Variants in UMODL1 observed in about 807,000 individuals in gnomAD.
UMODL1 encodes the protein uromodulin like 1.
A neutral mutation model predicts 136.3 loss-of-function variants in UMODL1; 128 were observed. The observed-to-expected ratio is 0.94, with a 90% CI of 0.81 to 1.09. UMODL1 has a LOEUF of 1.09. Among genes scored for constraint, UMODL1 ranks in the 50% least tolerant of loss-of-function variants. The probability of loss-of-function intolerance (pLI) is 0.00; values close to 1 mark genes in which losing one functional copy is unlikely to be tolerated. For synonymous variants in UMODL1, 721 were observed against 720.0 expected, an observed-to-expected ratio of 1.00 and a Z score of -0.02; for missense variants, 1,766 against 1,725.6, an observed-to-expected ratio of 1.02 and a Z score of -0.41.
At chr21:42,130,222 G>T (rs6586297) in intron 21 of UMODL1, among the ~76,000 whole-genome samples, 11 of 19,580 alleles carry the variant, frequency 5.6e-4, no homozygotes, top group African/African-American at 1.3e-3. Context: ...CCATGTCAAC[G>T]TGTGTGTGTG....
At chr21:42,105,621 G>A (rs113519942) in intron 9 of UMODL1, among the ~76,000 whole-genome samples, 14 of 152,324 alleles carry the variant, frequency 9.2e-5, no homozygotes, top group African/African-American at 2.9e-4. Context: ...GTTCTTATAC[G>A]AGACAAGAGG....
At chr21:42,070,446 C>T (rs1308414869), upstream of UMODL1, among the ~76,000 whole-genome samples, 1 of 152,204 alleles carries the variant, frequency 6.6e-6, no homozygotes, top group African/African-American at 2.4e-5. Flanking sequence ...AAACATTAAT[C>T]ACCTGTATTC....
chr21:42,081,915 CAG>C (rs2066366498), intron 2 of UMODL1, among the ~76,000 whole-genome samples: 2 of 152,244 alleles, frequency 1.3e-5, no homozygotes, highest in South Asian at 4.1e-4. Flanking sequence ...GGAGACAAAG[CAG>C]AGACCTTCGG....
At chr21:42,093,507 C>T (rs1271316420) in intron 6 of UMODL1, 1 of 167,170 alleles carries the variant, frequency 6.0e-6, no homozygotes, top group Non-Finnish European at 1.3e-5. Context: ...GCAGGAGACC[C>T]CGTGTTCAGC....
intron 6 of UMODL1, among the ~76,000 whole-genome samples, chr21:42,094,668 G>A (rs142231957): frequency 8.5e-4 from 130 of 152,342 alleles, no homozygotes; most frequent in African/African-American, 2.9e-3. Flanking sequence ...CTGGAAGAGA[G>A]GAGTCGGGGG....
intron 6 of UMODL1, among the ~76,000 whole-genome samples, chr21:42,090,781 C>A (rs930804721): frequency 6.6e-6 from 1 of 152,202 alleles, no homozygotes; most frequent in African/African-American, 2.4e-5. Flanking sequence ...ATTTGCTGAA[C>A]CTGTTTTTCT....
At chr21:42,071,455 A>C in intron 1 of UMODL1, 63 bp downstream of exon 1, 35 of 1,450,872 alleles carry the variant, frequency 2.4e-5, no homozygotes, top group Non-Finnish European at 3.0e-5. Context: ...CATGGGTCTC[A>C]TGAGGACAGC....
chr21:42,123,271 G>A lies in UMODL1; in HGVS notation c.3147+121G>A. Reference sequence around the variant, plus strand: ...CACCCCGAGGGGAACCCAGCAAGGGGGGTTCAGGACAGGGTTGAGTTCTCA... The same window carrying A: ...CACCCCGAGGGGAACCCAGCAAGGGAGGTTCAGGACAGGGTTGAGTTCTCA... On this transcript the variant is annotated intron_variant, in intron 17 of 22. Transcript: ENST00000408910. This position sits in a 1 kb window ranked among gnomAD's most constrained non-coding sequence, Gnocchi z 4.4. 2 of 1,201,148 alleles carry A rather than the reference G, an allele frequency of 1.7e-6. No homozygotes were observed. Among genetic ancestry groups the A allele is most frequent in the Non-Finnish European group, 1.1e-6 (1 of 877,672 alleles). 74.4% of individuals were successfully genotyped at this position (1,201,148 alleles called of 1,614,324 possible).
In UMODL1 at chr21:42,136,257, G is replaced by A. The variant is rs369123830; in HGVS notation, c.3776-1182G>A. Among the ~76,000 whole-genome samples the A allele has an allele frequency of 1.3e-3, 200 of 152,256 alleles. 1 individual carries two copies. Among genetic ancestry groups the A allele is most frequent in the Middle Eastern group, 6.8e-3 (2 of 294 alleles). On this transcript the variant is annotated intron_variant, in intron 21 of 22. Coordinates refer to ENST00000408910, the MANE Select transcript of UMODL1 (RefSeq NM_001004416.3). ...TCAAGCTAACTGTGTTAGAGTAAAC[G>A]ACTCAGTGGTGTTTAGTACATTGAG...
chr21:42,131,686 G>T (rs1477527505), intron 21 of UMODL1, among the ~76,000 whole-genome samples: 1 of 152,088 alleles, frequency 6.6e-6, no homozygotes, highest in African/African-American at 2.4e-5. Flanking sequence ...TCAACTGCTG[G>T]TTCTCATTTA....
upstream of UMODL1, among the ~76,000 whole-genome samples, chr21:42,069,240 A>ACACAC: frequency 6.6e-6 from 1 of 150,484 alleles, no homozygotes; most frequent in Middle Eastern, 3.4e-3. Context: ...ACACACACAC[A>ACACAC]CACACACACA....
chr21:42,111,434 C>G (rs1385551288), intron 11 of UMODL1, 72 bp from the exon 12 acceptor site: 1 of 1,613,794 alleles, frequency 6.2e-7, no homozygotes, highest in South Asian at 1.1e-5. Context: ...CACCTCCTCC[C>G]CGAAGGCTAC....
chr21:42,089,226 C>T (rs897628021), intron 5 of UMODL1, among the ~76,000 whole-genome samples: 8 of 152,206 alleles, frequency 5.3e-5, no homozygotes, highest in African/African-American at 1.9e-4. Context: ...TAGTCTGCTG[C>T]TCCCAGGGCT....
In UMODL1 at chr21:42,084,240, C is replaced by T. The variant is rs1314227235; in HGVS notation, c.476C>T (p.Pro159Leu). The T allele has an allele frequency of 6.2e-7, 1 of 1,612,984 alleles. No individual in the cohort carries two copies. The highest frequency in any genetic ancestry group is 1.3e-5 in the African/African-American group (1 of 74,838). Residue 159 changes from proline (P) to leucine (L), a missense_variant, in exon 3 of 23, where the codon CCC (proline) becomes CTC (leucine). Transcript: ENST00000408910. ...GGGCGCTACTGCATGGCCCCTGCAC[C>T]CCAAGGTAGGCTGCTGCGGGCCATG... ...SGGRYCMAPA[P>L]QAPERDPVGS...
chr21:42,095,719 T>C (rs1253039613), intron 6 of UMODL1, among the ~76,000 whole-genome samples: 2 of 152,210 alleles, frequency 1.3e-5, no homozygotes, highest in African/African-American at 4.8e-5. Context: ...GCAAGTGAAC[T>C]TTGCTATTTC....
At chr21:42,083,976 A>T (rs1156755684) in intron 2 of UMODL1, 108 bp from the exon 3 acceptor site, 11 of 1,382,198 alleles carry the variant, frequency 8.0e-6, no homozygotes, top group Non-Finnish European at 1.0e-5. Context: ...CAGGCCACAG[A>T]CCTACAGGCA....
chr21:42,064,462 C>G (rs151234430), intron 1 of UMODL1, among the ~76,000 whole-genome samples: 1 of 152,276 alleles, frequency 6.6e-6, no homozygotes, highest in Non-Finnish European at 1.5e-5. Flanking sequence ...TGGGCCCCAG[C>G]TTGCTGACTC....
intron 21 of UMODL1, among the ~76,000 whole-genome samples, chr21:42,134,670 A>C (rs1601284928): frequency 6.6e-6 from 1 of 152,134 alleles, no homozygotes; most frequent in African/African-American, 2.4e-5. Flanking sequence ...GCTGGAGTGC[A>C]GTGGTGCGAT....
At chr21:42,120,172 CT>C (rs2066951370) in intron 15 of UMODL1, among the ~76,000 whole-genome samples, 1 of 152,230 alleles carries the variant, frequency 6.6e-6, no homozygotes, top group Admixed American at 6.5e-5. Flanking sequence ...CAAAAGGTCT[CT>C]TTACTGCTGA....
Sources: allele counts gnomAD v4.1 joint callset (sites outside exome capture counted in the v4.1 genomes callset), GRCh38; gene constraint gnomAD v4.1.1; non-coding constraint Gnocchi (gnomAD v3.1); transcripts MANE v1.5; gene names NCBI Gene and HGNC (gene_info 2026-07-23, HGNC 2026-07-21).